NCOA2: variants seen among roughly 807,000 people sequenced by gnomAD.
NCOA2 encodes nuclear receptor coactivator 2.
In NCOA2, 21 loss-of-function variants were observed where a neutral mutation model predicts 145.1. That is an observed-to-expected ratio of 0.14 (90% CI 0.10 to 0.21). The LOEUF (loss-of-function observed/expected upper bound fraction) is 0.21. Ranked by LOEUF, NCOA2 falls within the 10% of genes least tolerant of loss-of-function variation. NCOA2 has a pLI of 1.00. For missense variants in NCOA2, 1,472 were observed against 1,837.6 expected (o/e 0.80, Z 3.64); for synonymous variants, 619 against 637.5 (o/e 0.97, Z 0.44).
chr8:70,368,395 A>G (rs1810908150), intron 1 of NCOA2, among the ~76,000 whole-genome samples: 1 of 152,246 alleles, frequency 6.6e-6, no homozygotes, highest in African/African-American at 2.4e-5. Context: ...GAATGAAAGC[A>G]GAGTTTTAGA....
chr8:70,227,873 G>A (rs115360264), intron 2 of NCOA2, among the ~76,000 whole-genome samples: 5,182 of 151,768 alleles, frequency 0.034, 295 homozygotes, highest in African/African-American at 0.12. Flanking sequence ...AAAATTAGCC[G>A]GGCATGATTG....
intron 1 of NCOA2, among the ~76,000 whole-genome samples, chr8:70,379,509 G>A (rs746208610): frequency 2.6e-5 from 4 of 152,080 alleles, no homozygotes; most frequent in Non-Finnish European, 2.9e-5. Context: ...TGGAGGCATC[G>A]GACTGCCTGT....
chr8:70,145,250 G>A (rs377748833), intron 12 of NCOA2, among the ~76,000 whole-genome samples: 1 of 151,874 alleles, frequency 6.6e-6, no homozygotes, highest in African/African-American at 2.4e-5. Context: ...CTCTGCCTCC[G>A]AGGTTCAAGA....
intron 2 of NCOA2, among the ~76,000 whole-genome samples, chr8:70,260,325 G>T (rs903263095): frequency 6.6e-6 from 1 of 152,064 alleles, no homozygotes; most frequent in African/African-American, 2.4e-5. Context: ...TAGAGACAAG[G>T]TTTCACCACG....
chr8:70,182,426 T>C (rs1412021996), intron 4 of NCOA2, among the ~76,000 whole-genome samples: 1 of 152,206 alleles, frequency 6.6e-6, no homozygotes, highest in African/African-American at 2.4e-5. Context: ...ACTACTTAAG[T>C]AGAAACAAAA....
chr8:70,439,523 C>CA, the NCOA2 span, among the ~76,000 whole-genome samples: 1 of 152,122 alleles, frequency 6.6e-6, no homozygotes, highest in South Asian at 2.1e-4. Context: ...TTCAACCATT[C>CA]AAAAAAATTT....
chr8:70,112,371 CAACTT>C lies in NCOA2; in HGVS notation c.*1256_*1260del, dbSNP rs761216471. 38 of 192,994 alleles carry C rather than the reference CAACTT, an allele frequency of 2.0e-4. No homozygotes were observed. Among genetic ancestry groups the C allele is most frequent in the Non-Finnish European group, 3.3e-4 (30 of 92,258 alleles). 12.0% of individuals were successfully genotyped at this position (192,994 alleles called of 1,614,324 possible). On this transcript the variant is annotated 3_prime_UTR_variant, in exon 23 of 23. Transcript: ENST00000452400. The stretch of plus-strand genomic sequence containing the variant: ...TATACAATTAAAACACATAAGTTCT[CAACTT>C]AAATTATTGCTTGTTTACATATAAA...
chr8:70,414,788 T>G, the NCOA2 span, among the ~76,000 whole-genome samples: 2 of 152,194 alleles, frequency 1.3e-5, no homozygotes, highest in Admixed American at 6.5e-5. Context: ...GCTTTCCATC[T>G]AAGACTTCAA....
chr8:70,337,363 G>T (rs879406730), intron 1 of NCOA2, among the ~76,000 whole-genome samples: 2 of 152,096 alleles, frequency 1.3e-5, no homozygotes, highest in East Asian at 1.9e-4. Flanking sequence ...TCTCACAAAG[G>T]AAAGAATTTG....
intron 1 of NCOA2, among the ~76,000 whole-genome samples, chr8:70,343,018 C>T (rs1393013771): frequency 6.6e-6 from 1 of 152,114 alleles, no homozygotes; most frequent in African/African-American, 2.4e-5. Context: ...TATTTCACTA[C>T]AGGCACTAAA....
intron 2 of NCOA2, among the ~76,000 whole-genome samples, chr8:70,282,708 G>A (rs889559589): frequency 1.4e-5 from 2 of 147,758 alleles, no homozygotes; most frequent in Non-Finnish European, 3.0e-5. Context: ...AAAAAAAGTA[G>A]CCAGGCTCCT....
At chr8:70,229,821 C>G (rs1176286542) in intron 2 of NCOA2, among the ~76,000 whole-genome samples, 1 of 152,176 alleles carries the variant, frequency 6.6e-6, no homozygotes, top group Non-Finnish European at 1.5e-5. Flanking sequence ...AAGCCTTCCC[C>G]ATGATTCTGA....
intron 22 of NCOA2, among the ~76,000 whole-genome samples, chr8:70,114,173 G>C (rs1806825648): frequency 6.6e-6 from 1 of 152,072 alleles, no homozygotes; most frequent in South Asian, 2.1e-4. Flanking sequence ...GCTAGATCAT[G>C]ATGGGTTTTG....
rs770741674 is a variant in NCOA2 at position 70,238,937 on chromosome 8, T to C, written c.-19-22173A>G. 2.6e-5 allele frequency among the ~76,000 whole-genome samples: 4 copies of C among 152,148 alleles called. No homozygotes were observed. In the East Asian group the frequency reaches 7.7e-4, roughly 29 times the overall value. On this transcript the variant is annotated intron_variant, in intron 2 of 22. Transcript: ENST00000452400. ...CCCATTTCCCTCCATATCTGCAATC[T>C]TGACCCACTATTCTAGAGAAACAAT... is the stretch of plus-strand genomic sequence containing the variant.
chr8:70,366,968 A>G (rs890934440), intron 1 of NCOA2, among the ~76,000 whole-genome samples: 3 of 152,182 alleles, frequency 2.0e-5, no homozygotes. Context: ...TTCATACAGA[A>G]TAATAGTGGC....
intron 4 of NCOA2, among the ~76,000 whole-genome samples, chr8:70,198,238 G>T (rs1482266815): frequency 6.6e-6 from 1 of 152,124 alleles, no homozygotes; most frequent in Admixed American, 6.5e-5. Flanking sequence ...TTTGTGTTTT[G>T]TTGTTGTTGT....
At chr8:70,214,954 A>G (rs1819441760) in intron 3 of NCOA2, among the ~76,000 whole-genome samples, 1 of 152,070 alleles carries the variant, frequency 6.6e-6, no homozygotes, top group African/African-American at 2.4e-5. Flanking sequence ...ATATAATACT[A>G]ATTTTAAAAT....
intron 4 of NCOA2, among the ~76,000 whole-genome samples, chr8:70,182,594 T>C (rs930165439): frequency 6.6e-6 from 1 of 152,222 alleles, no homozygotes; most frequent in Non-Finnish European, 1.5e-5. Context: ...AATGCTTTTG[T>C]TCATGGGAAT....
intron 2 of NCOA2, among the ~76,000 whole-genome samples, chr8:70,288,692 G>A (rs1294124894): frequency 6.6e-6 from 1 of 151,952 alleles, no homozygotes; most frequent in Admixed American, 6.6e-5. Flanking sequence ...TTTAGGATAT[G>A]TTAAAAATAC....
Sources: gnomAD v4.1 joint callset for allele counts (sites outside exome capture counted in the v4.1 genomes callset) on GRCh38, gnomAD v4.1.1 for gene constraint, MANE v1.5 for transcripts, NCBI Gene and HGNC (gene_info 2026-07-23, HGNC 2026-07-21) for gene names.